The following WNT9B variants were observed in gnomAD, a reference collection of about 807,000 sequenced individuals.
The protein encoded by WNT9B is protein Wnt-9b.
In WNT9B, 12 loss-of-function variants were observed where a neutral mutation model predicts 30.2. The observed-to-expected ratio is 0.40, with a 90% CI of 0.26 to 0.64. The LOEUF (loss-of-function observed/expected upper bound fraction) is 0.64. Ranked by LOEUF, WNT9B falls within the 30% of genes least tolerant of loss-of-function variation. The probability of loss-of-function intolerance (pLI) is 0.42; values close to 1 mark genes in which losing one functional copy is unlikely to be tolerated. For synonymous variants in WNT9B, 218 were observed against 216.9 expected, an observed-to-expected ratio of 1.01 and a Z score of -0.05; for missense variants, 442 against 485.2, an observed-to-expected ratio of 0.91 and a Z score of 0.84.
rs183293693 is a variant in WNT9B at position 46,857,080 on chromosome 17, T to C, written c.77+5365T>C. On this transcript the variant is annotated intron_variant, in intron 1 of 3. Transcript: ENST00000290015. ...AAGCTTTTGAGATTCATCCATGTCG[T>C]TGAATATAGCAATAGCGAATTCCTT... Among the ~76,000 whole-genome samples, 169 of 152,312 alleles carry C rather than the reference T, an allele frequency of 1.1e-3. 1 individual carries two copies. The highest frequency in any genetic ancestry group is 3.5e-4 in the Non-Finnish European group (24 of 68,020).
At chr17:46,854,082 C>T (rs1294072927) in intron 1 of WNT9B, among the ~76,000 whole-genome samples, 1 of 152,146 alleles carries the variant, frequency 6.6e-6, no homozygotes, top group Non-Finnish European at 1.5e-5. Context: ...GACACAAAAG[C>T]CACCACCACC....
intron 1 of WNT9B, among the ~76,000 whole-genome samples, chr17:46,835,991 T>C (rs2084624013): frequency 6.6e-6 from 1 of 151,992 alleles, no homozygotes; most frequent in Admixed American, 6.6e-5. Flanking sequence ...CCCTGGACCT[T>C]AAAGTTATTG....
In WNT9B at chr17:46,880,184, C is replaced by T. The variant is rs999224980; in HGVS notation, c.*3466C>T. On this transcript the variant is annotated 3_prime_UTR_variant, in exon 4 of 4. Coordinates refer to ENST00000290015, the MANE Select transcript of WNT9B (RefSeq NM_003396.3). ...CTCATGGATGCCCCTGCCTGCCTCT[C>T]ATGAGCACATAGTCCTGTCCCCTGG... 5.3e-5 allele frequency among the ~76,000 whole-genome samples: 8 copies of T among 152,182 alleles called. No individual in the cohort carries two copies. The highest frequency in any genetic ancestry group is 1.9e-4 in the African/African-American group (8 of 41,454).
chr17:46,886,075 T>G (rs2085485530), exon 5 of WNT9B: 1 of 152,274 alleles, frequency 6.6e-6, no homozygotes, highest in African/African-American at 2.4e-5. Context: ...TCCACCCGCT[T>G]CCCCAGATGA....
At chr17:46,856,906 T>G (rs930212812) in intron 1 of WNT9B, among the ~76,000 whole-genome samples, 1 of 152,198 alleles carries the variant, frequency 6.6e-6, no homozygotes, top group Non-Finnish European at 1.5e-5. Flanking sequence ...CCTTTGTTCC[T>G]CTTTGCAATC....
At chr17:46,852,295 C>G (rs985198727) in intron 1 of WNT9B, among the ~76,000 whole-genome samples, 3 of 152,160 alleles carry the variant, frequency 2.0e-5, no homozygotes, top group Non-Finnish European at 2.9e-5. Flanking sequence ...GCTGGAGACG[C>G]AGGAAGGAAC....
intron 3 of WNT9B, 96 bp downstream of exon 3, chr17:46,875,462 A>C: frequency 1.4e-6 from 2 of 1,419,754 alleles, no homozygotes; most frequent in Non-Finnish European, 1.9e-6. Flanking sequence ...TCCCCAAAAT[A>C]CATGAAGAGC....
chr17:46,878,341 A>C lies in WNT9B; in HGVS notation c.*1623A>C, dbSNP rs975644829. On this transcript the variant is annotated 3_prime_UTR_variant, in exon 4 of 4. Coordinates refer to ENST00000290015, the MANE Select transcript of WNT9B (RefSeq NM_003396.3). ...CCTCGCCTGTGCCAGCTCCAGGACA[A>C]AGGCCCGCTGACTGTGCCCTGGCCA... Among the ~76,000 whole-genome samples the C allele has an allele frequency of 2.0e-5, 3 of 152,154 alleles. No individual in the cohort carries two copies. Among genetic ancestry groups the C allele is most frequent in the Admixed American group, 6.5e-5 (1 of 15,290 alleles).
At position 46,851,732 on chromosome 17, in the gene WNT9B, C is replaced by A. The variant is rs989862662; in HGVS notation, c.77+17C>A. On this transcript the variant is annotated intron_variant, in intron 1 of 3. Transcript: ENST00000290015. The surrounding 1 kb of genome is among the most constrained non-coding windows in gnomAD (Gnocchi z 4.3). ...CTACTTCGGGTCAGTGCCCGCCGCGCCCCCCGCCCGCTCCCCGGCCTGCCT... is the reference window on the plus strand; with the variant it reads ...CTACTTCGGGTCAGTGCCCGCCGCGACCCCCGCCCGCTCCCCGGCCTGCCT... 5 of 1,252,646 alleles carry A rather than the reference C, an allele frequency of 4.0e-6. No homozygotes were observed. Among genetic ancestry groups the A allele is most frequent in the Non-Finnish European group, 5.0e-6 (5 of 995,908 alleles). The allele number at this position is 1,252,646 out of a possible 1,614,324, so 77.6% of individuals were successfully genotyped here. A position where few individuals can be genotyped will look rare whatever the true frequency, so the allele number is the denominator to read the frequency against.
At chr17:46,868,470 C>T (rs2085179843) in intron 1 of WNT9B, among the ~76,000 whole-genome samples, 1 of 152,090 alleles carries the variant, frequency 6.6e-6, no homozygotes, top group South Asian at 2.1e-4. Context: ...GTGGCACGTG[C>T]CCATAATCCC....
In WNT9B at chr17:46,872,825, G is replaced by A. The variant is rs765151477; in HGVS notation, c.334+52G>A. The A allele has an allele frequency of 8.6e-6, 13 of 1,505,546 alleles. No homozygotes were observed. The African/African-American group carries it at 1.8e-4, about 21-fold the overall frequency. The allele number at this position is 1,505,546 out of a possible 1,614,324, so 93.3% of individuals were successfully genotyped here. ...AGGGCTGGGGGAAGAAGCCTTCAGG[G>A]AGGAGGAGGCTGGGAGAGGCTGCCC... is the stretch of plus-strand genomic sequence containing the variant. On this transcript the variant is annotated intron_variant, in intron 2 of 3. Coordinates refer to ENST00000290015, the MANE Select transcript of WNT9B (RefSeq NM_003396.3).
At position 46,877,548 on chromosome 17, in the gene WNT9B, C is replaced by A. The variant is rs1408450035; in HGVS notation, c.*830C>A. Among the ~76,000 whole-genome samples the A allele has an allele frequency of 6.6e-5, 10 of 152,106 alleles. No individual in the cohort carries two copies. Among genetic ancestry groups the A allele is most frequent in the South Asian group, 6.2e-4 (3 of 4,828 alleles). On this transcript the variant is annotated 3_prime_UTR_variant, in exon 4 of 4. Transcript: ENST00000290015. ...TGAGGTTGAACAGGGAGACAACGGCCCCTCCCTGTGTTCCCTGCTGGCCAA... is the reference window on the plus strand; with the variant it reads ...TGAGGTTGAACAGGGAGACAACGGCACCTCCCTGTGTTCCCTGCTGGCCAA...
intron 1 of WNT9B, among the ~76,000 whole-genome samples, chr17:46,862,741 C>T (rs1284099394): frequency 6.6e-6 from 1 of 152,166 alleles, no homozygotes; most frequent in Admixed American, 6.5e-5. Flanking sequence ...TACCACCACA[C>T]CTGGCTAATT....
chr17:46,841,340 G>C (rs1598827792), intron 1 of WNT9B, among the ~76,000 whole-genome samples: 1 of 152,180 alleles, frequency 6.6e-6, no homozygotes, highest in East Asian at 1.9e-4. Flanking sequence ...GTATCCTGGC[G>C]GTCCTGGATC....
At position 46,878,364 on chromosome 17, in the gene WNT9B, C is replaced by A. The variant is rs986400413; in HGVS notation, c.*1646C>A. Among the ~76,000 whole-genome samples, 2 of 152,242 alleles carry A rather than the reference C, an allele frequency of 1.3e-5. No individual in the cohort carries two copies. The highest frequency in any genetic ancestry group is 2.9e-5 in the Non-Finnish European group (2 of 68,044). On this transcript the variant is annotated 3_prime_UTR_variant, in exon 4 of 4. Transcript: ENST00000290015. The stretch of plus-strand genomic sequence containing the variant: ...CAAAGGCCCGCTGACTGTGCCCTGG[C>A]CAACTCCCTGAGACCTCCAAGGGCG...
At chr17:46,875,769 G>A (rs1473137613) in intron 3 of WNT9B, among the ~76,000 whole-genome samples, 1 of 152,208 alleles carries the variant, frequency 6.6e-6, no homozygotes, top group Non-Finnish European at 1.5e-5. Context: ...CCATTTTATG[G>A]GTGGGAAGAT....
At chr17:46,835,594 A>G (rs1235445078) in intron 1 of WNT9B, among the ~76,000 whole-genome samples, 1 of 152,098 alleles carries the variant, frequency 6.6e-6, no homozygotes, top group African/African-American at 2.4e-5. Context: ...TCCCTGACTT[A>G]CCCCTCCTCC....
chr17:46,868,641 A>G (rs59788647), intron 1 of WNT9B, among the ~76,000 whole-genome samples: 17,625 of 151,848 alleles, frequency 0.12, 1,345 homozygotes, highest in East Asian at 0.38. Flanking sequence ...AAATAAACAC[A>G]TTTTTCTGGG....
intron 1 of WNT9B, among the ~76,000 whole-genome samples, chr17:46,860,496 C>G (rs1455888908): frequency 6.6e-6 from 1 of 152,198 alleles, no homozygotes; most frequent in African/African-American, 2.4e-5. Flanking sequence ...CACTTACTGA[C>G]TGACCCAGGG....
Sources: allele counts gnomAD v4.1 joint callset (sites outside exome capture counted in the v4.1 genomes callset), GRCh38; gene constraint gnomAD v4.1.1; non-coding constraint Gnocchi (gnomAD v3.1); transcripts MANE v1.5; gene names NCBI Gene and HGNC (gene_info 2026-07-23, HGNC 2026-07-21).